The following VIRMA variants were observed in gnomAD, a reference collection of about 807,000 sequenced individuals.
The protein encoded by VIRMA is protein virilizer homolog.
VIRMA carries 65 observed loss-of-function variants against 182.4 expected under a neutral mutation model. The ratio of observed to expected loss-of-function variants is 0.36; its 90% confidence interval spans 0.29 to 0.44. VIRMA has a LOEUF of 0.44. Ranked by LOEUF, VIRMA falls within the 20% of genes least tolerant of loss-of-function variation. The pLI is 1.00. For synonymous variants in VIRMA, 709 were observed against 743.1 expected, an observed-to-expected ratio of 0.95 and a Z score of 0.75; for missense variants, 1,752 against 2,158.1, an observed-to-expected ratio of 0.81 and a Z score of 3.73.
chr8:94,498,498 A>T (rs1357517872), intron 17 of VIRMA: 1 of 152,188 alleles, frequency 6.6e-6, no homozygotes, highest in Non-Finnish European at 1.5e-5. Flanking sequence ...TTTTTGAGAC[A>T]GCGTCTTGCT....
chr8:94,517,759 A>G (rs1814609166), intron 10 of VIRMA, 29 bp downstream of exon 10: 1 of 1,511,896 alleles, frequency 6.6e-7, no homozygotes, highest in East Asian at 2.4e-5. Flanking sequence ...ACATATTACA[A>G]ATGCTTAAAA....
In VIRMA at chr8:94,526,274, G is replaced by A. The variant is rs764891389; in HGVS notation, c.1970C>T (p.Ala657Val). ...CCTCTCTGGAGGTCCAGTAATTCGT[G>A]CCATCGTTGGGAAAGACTTAACAGG... ...QQPVKSFPTM[A>V]RITGPPERDD... Residue 657 changes from alanine to valine, a missense_variant, in exon 8 of 24, where the codon GCA becomes GTA. Physicochemically the swap from Ala to Val is moderately conservative, Grantham distance 64. Transcript: ENST00000297591. 11 of 1,613,744 alleles carry A rather than the reference G, an allele frequency of 6.8e-6. No individual in the cohort carries two copies. Among genetic ancestry groups the A allele is most frequent in the Admixed American group, 3.3e-5 (2 of 59,992 alleles).
chr8:94,510,883 T>C, intron 13 of VIRMA: 1 of 984,400 alleles, frequency 1.0e-6, no homozygotes, highest in Non-Finnish European at 1.4e-6. Context: ...GCAATCTAGT[T>C]ATTGGCAAAT....
At chr8:94,538,135 C>A (rs1258026080) in intron 3 of VIRMA, 125 bp downstream of exon 3, 6 of 699,314 alleles carry the variant, frequency 8.6e-6, no homozygotes, top group African/African-American at 5.4e-5. Context: ...CACCATGACA[C>A]AATTAAACCC....
At chr8:94,533,614 CTTTT>C (rs60590655) in intron 5 of VIRMA, 22 of 119,508 alleles carry the variant, frequency 1.8e-4, no homozygotes, top group South Asian at 7.8e-4. Flanking sequence ...CTAATTCTTT[CTTTT>C]TTTTTTTTTT....
intron 17 of VIRMA, 44 bp from the exon 18 acceptor site, chr8:94,496,524 T>C: frequency 6.6e-7 from 1 of 1,504,244 alleles, no homozygotes; most frequent in Non-Finnish European, 9.2e-7. Flanking sequence ...CAGAGAAATT[T>C]ACAAAGATGC....
Position 94,510,856 on chromosome 8 carries a change from CAG to C in VIRMA, c.3391-206_3391-205del. 5.0e-6 allele frequency: 4 copies of C among 807,412 alleles called. No homozygotes were observed. In the East Asian group the frequency reaches 1.1e-4, roughly 22 times the overall value. 50.0% of individuals were successfully genotyped at this position (807,412 alleles called of 1,614,324 possible). A position where few individuals can be genotyped will look rare whatever the true frequency, so the allele number is the denominator to read the frequency against. On this transcript the variant is annotated intron_variant, in intron 13 of 23. Coordinates refer to ENST00000297591, the MANE Select transcript of VIRMA (RefSeq NM_015496.5). Reference sequence around the variant, plus strand: ...GTTCTCAGGTTAGCAGTTAGTTGAGCAGAGTCCATTGGTGAAGCAATCTAGTT... The same window carrying C: ...GTTCTCAGGTTAGCAGTTAGTTGAGCAGTCCATTGGTGAAGCAATCTAGTT...
At chr8:94,546,740 A>C in intron 1 of VIRMA, 1 of 347,346 alleles carries the variant, frequency 2.9e-6, no homozygotes, top group Non-Finnish European at 5.6e-6. Flanking sequence ...CGAGTCCCTA[A>C]AGTCCATTGT....
In VIRMA at chr8:94,488,691, T is replaced by A. The variant is rs745653271; in HGVS notation, c.*15A>T. ...GAAATGTTCATATACAGTTAAGATG[T>A]TCCCAAAAGGATTTTTATCGTGTAA... On this transcript the variant is annotated 3_prime_UTR_variant, in exon 24 of 24. Transcript: ENST00000297591. 12 of 1,613,564 alleles carry A rather than the reference T, an allele frequency of 7.4e-6. No individual in the cohort carries two copies. The highest frequency in any genetic ancestry group is 1.0e-5 in the Non-Finnish European group (12 of 1,179,672).
chr8:94,552,164 T>C (rs988139314), intron 1 of VIRMA, among the ~76,000 whole-genome samples: 8 of 152,258 alleles, frequency 5.3e-5, no homozygotes, highest in African/African-American at 1.9e-4. Flanking sequence ...CCACATTAAA[T>C]GTCAGACCAT....
At chr8:94,493,346 C>T (rs931563681) in intron 20 of VIRMA, among the ~76,000 whole-genome samples, 4 of 152,108 alleles carry the variant, frequency 2.6e-5, no homozygotes, top group African/African-American at 9.7e-5. Flanking sequence ...TTTCTCTAAT[C>T]CAGAGGGTTA....
chr8:94,549,210 A>C (rs779760424), intron 1 of VIRMA, among the ~76,000 whole-genome samples: 3 of 152,260 alleles, frequency 2.0e-5, no homozygotes, highest in Non-Finnish European at 2.9e-5. Flanking sequence ...TATGTGGAGA[A>C]GAGGAAATTA....
intron 5 of VIRMA, among the ~76,000 whole-genome samples, chr8:94,532,429 T>C (rs746941518): frequency 6.6e-5 from 10 of 152,204 alleles, no homozygotes; most frequent in Admixed American, 2.0e-4. Context: ...TTGATCATGG[T>C]GTTGGTTATG....
intron 14 of VIRMA, 62 bp from the exon 15 acceptor site, chr8:94,510,002 G>T: frequency 7.0e-7 from 1 of 1,432,686 alleles, no homozygotes; most frequent in Admixed American, 2.3e-5. Flanking sequence ...TGTTTAACTA[G>T]TATTTATTTC....
intron 1 of VIRMA, among the ~76,000 whole-genome samples, chr8:94,550,533 C>A (rs1286827117): frequency 1.3e-5 from 2 of 152,134 alleles, no homozygotes; most frequent in Non-Finnish European, 2.9e-5. Flanking sequence ...ACCTCGTGAT[C>A]CGCTTGCCTC....
At chr8:94,528,059 C>G (rs1295499683) in intron 7 of VIRMA, among the ~76,000 whole-genome samples, 2 of 151,686 alleles carry the variant, frequency 1.3e-5, no homozygotes, top group Non-Finnish European at 2.9e-5. Flanking sequence ...ATGGTGAAAC[C>G]CTGATCTCTA....
chr8:94,500,065 A>C, intron 16 of VIRMA, among the ~76,000 whole-genome samples: 1 of 151,220 alleles, frequency 6.6e-6, no homozygotes, highest in Non-Finnish European at 1.5e-5. Context: ...AAAAAAAAAA[A>C]AAAAAAAAAC....
At chr8:94,538,372 T>C in intron 2 of VIRMA, 26 bp from the exon 3 acceptor site, 1 of 1,411,620 alleles carries the variant, frequency 7.1e-7, no homozygotes, top group Non-Finnish European at 1.0e-6. Flanking sequence ...AGTTGAAACA[T>C]CAGCCTTTGT....
chr8:94,528,328 A>G (rs1359873753), intron 7 of VIRMA, among the ~76,000 whole-genome samples: 1 of 132,912 alleles, frequency 7.5e-6, no homozygotes, highest in African/African-American at 2.7e-5. Flanking sequence ...TAATTATTTG[A>G]TAATCTGTGA....
Sources: allele counts gnomAD v4.1 joint callset (sites outside exome capture counted in the v4.1 genomes callset), GRCh38; gene constraint gnomAD v4.1.1; transcripts MANE v1.5; gene names NCBI Gene and HGNC (gene_info 2026-07-23, HGNC 2026-07-21).